The following WDPCP variants were observed in gnomAD, a reference collection of about 807,000 sequenced individuals.
WDPCP encodes the protein WD repeat containing planar cell polarity effector, also known as WD repeat-containing and planar cell polarity effector protein fritz homolog.
In WDPCP, 71 loss-of-function variants were observed where a neutral mutation model predicts 93.1. The ratio of observed to expected loss-of-function variants is 0.76; its 90% CI spans 0.63 to 0.93. The LOEUF is 0.93. Ranked by LOEUF, WDPCP falls within the 40% of genes least tolerant of loss-of-function variation. The pLI is 0.00. For synonymous variants in WDPCP, 315 were observed against 315.0 expected, an observed-to-expected ratio of 1.00 and a Z score of 0.00; for missense variants, 844 against 887.4, an observed-to-expected ratio of 0.95 and a Z score of 0.62.
intron 1 of WDPCP, among the ~76,000 whole-genome samples, chr2:63,583,422 T>A (rs184763772): frequency 8.2e-4 from 125 of 152,284 alleles, no homozygotes; most frequent in African/African-American, 2.9e-3. Context: ...CGGTGGCTCA[T>A]GCCTGTAATC....
At chr2:63,237,805 C>T (rs190597103) in intron 14 of WDPCP, among the ~76,000 whole-genome samples, 42 of 152,054 alleles carry the variant, frequency 2.8e-4, no homozygotes, top group African/African-American at 9.6e-4. Flanking sequence ...AATATGGGAA[C>T]AGCACACACT....
chr2:63,351,941 C>T (rs1383402852), intron 12 of WDPCP, among the ~76,000 whole-genome samples: 1 of 152,158 alleles, frequency 6.6e-6, no homozygotes, highest in Non-Finnish European at 1.5e-5. Context: ...CTGTTGTTTT[C>T]TGACTTTTTA....
intron 3 of WDPCP, chr2:63,604,624 T>C: frequency 8.3e-7 from 1 of 1,203,364 alleles, no homozygotes; most frequent in Non-Finnish European, 1.2e-6. Flanking sequence ...TTAAGGGCAT[T>C]TGTCAAAACA....
At chr2:63,476,471 AT>A (rs1476617785) in intron 6 of WDPCP, among the ~76,000 whole-genome samples, 1 of 152,130 alleles carries the variant, frequency 6.6e-6, no homozygotes, top group Non-Finnish European at 1.5e-5. Context: ...AAAGTTATAA[AT>A]TCTCCACAAA....
At chr2:63,475,128 T>G (rs1699903264) in intron 6 of WDPCP, among the ~76,000 whole-genome samples, 1 of 152,172 alleles carries the variant, frequency 6.6e-6, no homozygotes, top group South Asian at 2.1e-4. Context: ...TTTATTTGTT[T>G]ATCATAATAG....
At chr2:63,809,479 G>A (rs1416188776) in intron 2 of WDPCP, among the ~76,000 whole-genome samples, 1 of 152,258 alleles carries the variant, frequency 6.6e-6, no homozygotes, top group East Asian at 1.9e-4. Flanking sequence ...AGGGGGGAAA[G>A]GTGGGGAAAA....
At chr2:63,725,981 T>A (rs2103808612) in intron 2 of WDPCP, among the ~76,000 whole-genome samples, 1 of 152,306 alleles carries the variant, frequency 6.6e-6, no homozygotes, top group East Asian at 1.9e-4. Flanking sequence ...TTTTCTCCCA[T>A]TCTGTAAACT....
At chr2:63,636,820 A>G (rs1214356199) in intron 3 of WDPCP, among the ~76,000 whole-genome samples, 5 of 152,250 alleles carry the variant, frequency 3.3e-5, no homozygotes, top group Admixed American at 2.6e-4. Context: ...TACACAATGA[A>G]GAAAGATAAT....
chr2:63,232,079 G>T (rs1432115057), intron 14 of WDPCP, among the ~76,000 whole-genome samples: 1 of 152,188 alleles, frequency 6.6e-6, no homozygotes, highest in East Asian at 1.9e-4. Flanking sequence ...AAGCAATGGG[G>T]AAAGGATTCC....
intron 1 of WDPCP, among the ~76,000 whole-genome samples, chr2:63,494,045 G>A (rs897481831): frequency 5.3e-5 from 8 of 152,124 alleles, no homozygotes; most frequent in Middle Eastern, 3.4e-3. Context: ...TCCTCGGCCC[G>A]CCCTTCATCC....
chr2:63,236,286 G>A (rs1242704941), intron 14 of WDPCP, among the ~76,000 whole-genome samples: 2 of 151,772 alleles, frequency 1.3e-5, no homozygotes, highest in Non-Finnish European at 2.9e-5. Flanking sequence ...AAAGTGAAAG[G>A]TCTCCACAAG....
intron 12 of WDPCP, among the ~76,000 whole-genome samples, chr2:63,361,915 C>T (rs534002889): frequency 7.8e-4 from 119 of 152,154 alleles, no homozygotes; most frequent in African/African-American, 2.7e-3. Context: ...AGGTTTTGAG[C>T]TTTTCCTTTT....
At chr2:63,454,038 T>C (rs1698456526) in intron 6 of WDPCP, among the ~76,000 whole-genome samples, 1 of 151,488 alleles carries the variant, frequency 6.6e-6, no homozygotes, top group African/African-American at 2.4e-5. Flanking sequence ...CACACCAATA[T>C]GGCACATGGA....
At chr2:63,595,379 T>A in intron 3 of WDPCP, 1 of 1,204,888 alleles carries the variant, frequency 8.3e-7, no homozygotes, top group Non-Finnish European at 1.2e-6. Flanking sequence ...TGTGTCTAAA[T>A]GAAATAGCCT....
intron 6 of WDPCP, among the ~76,000 whole-genome samples, chr2:63,455,441 C>T (rs1234375692): frequency 2.9e-4 from 42 of 142,674 alleles, no homozygotes; most frequent in South Asian, 2.2e-3. Context: ...TATATATATA[C>T]ACACACACAC....
At chr2:63,189,921 TC>T (rs141778239) in intron 14 of WDPCP, among the ~76,000 whole-genome samples, 1,966 of 152,286 alleles carry the variant, frequency 0.013, 38 homozygotes, top group African/African-American at 0.042. Flanking sequence ...TAAATGGAGT[TC>T]TTAGATGGTT....
At position 63,588,375 on chromosome 2, in the gene WDPCP, G is replaced by A; in HGVS notation, c.-104C>T. 4 of 1,340,496 alleles carry A rather than the reference G, an allele frequency of 3.0e-6. No homozygotes were observed. The highest frequency in any genetic ancestry group is 1.3e-5 in the South Asian group (1 of 79,880). The allele number at this position is 1,340,496 out of a possible 1,614,324, so 83.0% of individuals were successfully genotyped here. On this transcript the variant is annotated 5_prime_UTR_variant, in exon 1 of 18. Transcript: ENST00000272321. ...CTTGGGTCTCCAGGACGCCGCCGCCGCCGCCACAGTTTCCTCAGGTGCTAC... is the reference window on the plus strand; with the variant it reads ...CTTGGGTCTCCAGGACGCCGCCGCCACCGCCACAGTTTCCTCAGGTGCTAC...
chr2:63,641,168 A>C (rs1466107795), intron 3 of WDPCP, among the ~76,000 whole-genome samples: 1 of 152,154 alleles, frequency 6.6e-6, no homozygotes, highest in Non-Finnish European at 1.5e-5. Context: ...TTTATAGCTA[A>C]ATAGTACTCC....
intron 2 of WDPCP, among the ~76,000 whole-genome samples, chr2:63,751,415 A>G (rs115382874): frequency 0.1 from 15,589 of 150,126 alleles, 1,320 homozygotes; most frequent in African/African-American, 0.24. Context: ...GCATGGGTGC[A>G]AAAAAAAAAT....
Sources: allele counts gnomAD v4.1 joint callset (sites outside exome capture counted in the v4.1 genomes callset), GRCh38; gene constraint gnomAD v4.1.1; transcripts MANE v1.5; gene names NCBI Gene and HGNC (gene_info 2026-07-23, HGNC 2026-07-21).